The following MTRF1 variants were observed in gnomAD, a reference collection of about 807,000 sequenced individuals.
MTRF1 encodes the protein peptide chain release factor 1, mitochondrial.
MTRF1 carries 51 observed loss-of-function variants against 62.9 expected under a neutral mutation model. That is an observed-to-expected ratio of 0.81 (90% confidence interval 0.65 to 1.02). The LOEUF is 1.02. MTRF1 is among the 50% of genes least tolerant of loss of function. The pLI is 0.00. For missense variants in MTRF1, 446 were observed against 530.0 expected (o/e 0.84, Z 1.56); for synonymous variants, 158 against 181.9 (o/e 0.87, Z 1.06).
At chr13:41,291,559 C>G in the MTRF1 span, among the ~76,000 whole-genome samples, 2 of 152,212 alleles carry the variant, frequency 1.3e-5, no homozygotes, top group South Asian at 4.1e-4. Flanking sequence ...CCTTCTGGCT[C>G]CTTCCCCACC....
the MTRF1 span, among the ~76,000 whole-genome samples, chr13:41,277,007 C>T: frequency 5.7e-4 from 87 of 152,280 alleles, no homozygotes; most frequent in Non-Finnish European, 1.2e-3. Flanking sequence ...TATTGCATAA[C>T]CACCCCCATC....
the MTRF1 span, among the ~76,000 whole-genome samples, chr13:41,295,456 T>TA: frequency 6.6e-6 from 1 of 152,230 alleles, no homozygotes; most frequent in Non-Finnish European, 1.5e-5. Context: ...TAAATTCAAG[T>TA]ACCTTTTTCA....
chr13:41,228,802 GA>G (rs999340110), intron 7 of MTRF1, among the ~76,000 whole-genome samples: 20 of 151,936 alleles, frequency 1.3e-4, no homozygotes, highest in African/African-American at 4.8e-4. Context: ...GCAGTGGTTA[GA>G]AAAAAAATAC....
the MTRF1 span, among the ~76,000 whole-genome samples, chr13:41,300,462 T>C: frequency 6.6e-6 from 1 of 151,734 alleles, no homozygotes; most frequent in Non-Finnish European, 1.5e-5. Context: ...GGTGGGCGCC[T>C]GTAGTCCCAG....
chr13:41,283,431 T>C, the MTRF1 span, among the ~76,000 whole-genome samples: 8 of 152,288 alleles, frequency 5.3e-5, no homozygotes, highest in Admixed American at 5.2e-4. Context: ...TTGGAAATTC[T>C]TTAGTCCAAT....
intron 9 of MTRF1, among the ~76,000 whole-genome samples, chr13:41,217,961 G>T (rs1237403805): frequency 6.6e-6 from 1 of 152,216 alleles, no homozygotes; most frequent in Non-Finnish European, 1.5e-5. Context: ...ATATTTAGGG[G>T]TGAAGTGTCT....
At chr13:41,222,371 T>C (rs2033571470) in intron 9 of MTRF1, among the ~76,000 whole-genome samples, 2 of 152,192 alleles carry the variant, frequency 1.3e-5, no homozygotes, top group South Asian at 4.1e-4. Context: ...AGCCTAACTG[T>C]AACACCTCAA....
At chr13:41,246,413 A>G (rs1018079260) in intron 5 of MTRF1, among the ~76,000 whole-genome samples, 1 of 152,156 alleles carries the variant, frequency 6.6e-6, no homozygotes, top group African/African-American at 2.4e-5. Context: ...TTTCTAATGA[A>G]GATATAACCA....
chr13:41,309,071 G>T, the MTRF1 span, among the ~76,000 whole-genome samples: 1 of 152,078 alleles, frequency 6.6e-6, no homozygotes, highest in Admixed American at 6.5e-5. Flanking sequence ...CTTTTTTGTG[G>T]CTGTGTAGTA....
At chr13:41,248,364 C>G (rs1299096004) in intron 5 of MTRF1, among the ~76,000 whole-genome samples, 1 of 152,182 alleles carries the variant, frequency 6.6e-6, no homozygotes, top group East Asian at 1.9e-4. Flanking sequence ...TCAGGTGATC[C>G]ACCTGCCTCA....
chr13:41,302,736 T>C, the MTRF1 span, among the ~76,000 whole-genome samples: 7 of 151,890 alleles, frequency 4.6e-5, no homozygotes, highest in Non-Finnish European at 1.0e-4. Context: ...ATGTTGCCCA[T>C]GCTGGTCTCA....
upstream of MTRF1, among the ~76,000 whole-genome samples, chr13:41,263,894 T>G (rs757520374): frequency 1.3e-5 from 2 of 152,158 alleles, no homozygotes; most frequent in African/African-American, 2.4e-5. Context: ...GTAGTTTACC[T>G]TGCGGCAGCC....
intron 9 of MTRF1, among the ~76,000 whole-genome samples, chr13:41,217,928 A>G (rs1456991757): frequency 6.6e-6 from 1 of 152,226 alleles, no homozygotes. Context: ...AGTCCTGTGT[A>G]ACTGAAAAAT....
intron 2 of MTRF1, among the ~76,000 whole-genome samples, chr13:41,256,718 T>C (rs1172936286): frequency 6.6e-6 from 1 of 152,244 alleles, no homozygotes; most frequent in Non-Finnish European, 1.5e-5. Context: ...GATCTGCTGA[T>C]TCAAAGGTAT....
At chr13:41,297,511 C>T in the MTRF1 span, among the ~76,000 whole-genome samples, 1 of 152,144 alleles carries the variant, frequency 6.6e-6, no homozygotes, top group African/African-American at 2.4e-5. Context: ...GTCAGGTTCT[C>T]TCCCACAATA....
chr13:41,275,577 C>G, the MTRF1 span, among the ~76,000 whole-genome samples: 2 of 151,886 alleles, frequency 1.3e-5, no homozygotes, highest in African/African-American at 2.4e-5. Context: ...ACTGCAACCT[C>G]TGTCTCCCGG....
At chr13:41,311,330 C>T in the MTRF1 span, 4 of 590,192 alleles carry the variant, frequency 6.8e-6, no homozygotes, top group Admixed American at 3.2e-5. Context: ...GAAGCGTGTC[C>T]TGCTCAGACC....
At chr13:41,260,431 A>C in intron 2 of MTRF1, 62 bp downstream of exon 2, 1 of 1,352,538 alleles carries the variant, frequency 7.4e-7, no homozygotes, top group Non-Finnish European at 1.0e-6. Flanking sequence ...ACACACGCAT[A>C]TAAGTGTGTG....
chr13:41,262,012 G>A (rs2040504721), intron 1 of MTRF1: 1 of 151,302 alleles, frequency 6.6e-6, no homozygotes, highest in Admixed American at 6.6e-5. Context: ...AGCACATAGA[G>A]TATTTTTTAA....
Sources: allele counts gnomAD v4.1 joint callset (sites outside exome capture counted in the v4.1 genomes callset), GRCh38; gene constraint gnomAD v4.1.1; transcripts MANE v1.5; gene names NCBI Gene and HGNC (gene_info 2026-07-23, HGNC 2026-07-21).